The following COL15A1 variants were observed in gnomAD, a reference collection of about 807,000 sequenced individuals.
COL15A1 encodes collagen type XV alpha 1 chain, also known as collagen alpha-1(XV) chain.
In COL15A1, 111 loss-of-function variants were observed where a neutral mutation model predicts 165.9. The observed-to-expected ratio is 0.67, with a 90% CI of 0.57 to 0.78. The LOEUF is 0.78. Ranked by LOEUF, COL15A1 falls within the 30% of genes least tolerant of loss-of-function variation. COL15A1 has a pLI of 0.00. For missense variants in COL15A1, 1,745 were observed against 1,789.7 expected (o/e 0.98, Z 0.45); for synonymous variants, 659 against 674.8 (o/e 0.98, Z 0.36).
chr9:98,997,620 A>G (rs1007676783), intron 6 of COL15A1, among the ~76,000 whole-genome samples: 3 of 152,242 alleles, frequency 2.0e-5, no homozygotes, highest in Non-Finnish European at 4.4e-5. Context: ...TGTGTGGCAC[A>G]AGTGAGAAAC....
intron 2 of COL15A1, among the ~76,000 whole-genome samples, chr9:98,962,583 C>T (rs1837881454): frequency 1.3e-5 from 2 of 152,254 alleles, no homozygotes; most frequent in African/African-American, 4.8e-5. Flanking sequence ...AAAGATAAAG[C>T]AAGAGAATTA....
intron 35 of COL15A1, 63 bp from the exon 36 acceptor site, chr9:99,059,826 G>A: frequency 6.3e-7 from 1 of 1,588,212 alleles, no homozygotes; most frequent in Admixed American, 1.7e-5. Flanking sequence ...GGAGTCAGCT[G>A]ATACCTCAGA....
At chr9:99,035,721 T>C (rs1054543438) in intron 19 of COL15A1, among the ~76,000 whole-genome samples, 17 of 152,184 alleles carry the variant, frequency 1.1e-4, no homozygotes, top group African/African-American at 4.1e-4. Context: ...ATCTCTACTT[T>C]ATTTCCTCCC....
chr9:99,050,008 CT>C, intron 30 of COL15A1, 113 bp downstream of exon 30: 1 of 1,425,424 alleles, frequency 7.0e-7, no homozygotes, highest in Non-Finnish European at 9.8e-7. Context: ...TCTCTGATGT[CT>C]TCTGTCCCCT....
chr9:98,994,381 G>A (rs566867039), intron 5 of COL15A1, among the ~76,000 whole-genome samples: 122 of 152,256 alleles, frequency 8.0e-4, no homozygotes, highest in Non-Finnish European at 1.4e-3. Context: ...CTGCGGTTCT[G>A]TTTGCCTGGA....
Position 99,049,676 on chromosome 9 carries a change from T to C in COL15A1, c.2794-14T>C. ...AACCTGAACTAATGGAATGGCCTTT[T>C]TTTCTTCCTTCAGGGCCCACCTGGC... On this transcript the variant is annotated splice_polypyrimidine_tract_variant and intron_variant, in intron 28 of 41. Transcript: ENST00000375001. 1 of 1,612,532 alleles carries C rather than the reference T, an allele frequency of 6.2e-7. No individual in the cohort carries two copies. The highest frequency in any genetic ancestry group is 8.5e-7 in the Non-Finnish European group (1 of 1,179,894).
intron 13 of COL15A1, 95 bp downstream of exon 13, chr9:99,022,245 C>T (rs2119009291): frequency 1.3e-6 from 2 of 1,532,580 alleles, no homozygotes; most frequent in East Asian, 2.3e-5. Flanking sequence ...TTTTGGCCCC[C>T]AAAGTATCTT....
rs189542696 is a variant in COL15A1 at position 98,964,903 on chromosome 9, G to A, written c.100+20653G>A. On this transcript the variant is annotated intron_variant, in intron 2 of 41. Transcript: ENST00000375001. ...TTGGCCAATGTAGGCGAGATTTCAC[G>A]GTGCCCACTGAAGCTATGAGCTCGT... 8.0e-3 allele frequency among the ~76,000 whole-genome samples: 1,223 copies of A among 152,242 alleles called. 56 individuals are homozygous for A. Among genetic ancestry groups the A allele is most frequent in the Admixed American group, 0.076 (1,161 of 15,284 alleles).
chr9:99,033,869 G>A (rs1172121899), intron 16 of COL15A1, among the ~76,000 whole-genome samples: 1 of 152,062 alleles, frequency 6.6e-6, no homozygotes, highest in Non-Finnish European at 1.5e-5. Flanking sequence ...TCTGATGTAG[G>A]CCACTGTCCT....
chr9:98,946,703 A>G (rs1291213444), intron 2 of COL15A1, among the ~76,000 whole-genome samples: 1 of 152,216 alleles, frequency 6.6e-6, no homozygotes, highest in Non-Finnish European at 1.5e-5. Flanking sequence ...ACTTCATAGC[A>G]CTATGAACCA....
intron 2 of COL15A1, among the ~76,000 whole-genome samples, chr9:98,944,786 G>A (rs943665639): frequency 2.0e-5 from 3 of 152,252 alleles, no homozygotes; most frequent in African/African-American, 7.2e-5. Flanking sequence ...TGGCTCCACC[G>A]GTGGTGGAAA....
At chr9:98,952,997 C>T (rs771853860) in intron 2 of COL15A1, among the ~76,000 whole-genome samples, 56 of 152,218 alleles carry the variant, frequency 3.7e-4, no homozygotes, top group African/African-American at 1.3e-3. Flanking sequence ...CATTAAGCCA[C>T]GAATTCTTTA....
intron 9 of COL15A1, among the ~76,000 whole-genome samples, chr9:99,010,728 G>A (rs957790758): frequency 7.2e-5 from 11 of 152,154 alleles, no homozygotes; most frequent in Admixed American, 2.0e-4. Flanking sequence ...ATGGGCCTTC[G>A]GCTCCCTTCA....
In COL15A1 at chr9:99,008,758, T is replaced by C. The variant is rs1005330860; in HGVS notation, c.1353+3708T>C. On this transcript the variant is annotated intron_variant, in intron 9 of 41. Transcript: ENST00000375001. The stretch of plus-strand genomic sequence containing the variant: ...CCAAGTAGCTGGGATTACAGGCATG[T>C]GCCACCACCCCTGGCTAATTTTTGT... 3.3e-5 allele frequency among the ~76,000 whole-genome samples: 5 copies of C among 152,082 alleles called. No homozygotes were observed. The East Asian group carries it at 7.7e-4, about 24-fold the overall frequency.
rs559528277 is a variant in COL15A1 at position 99,070,020 on chromosome 9, A to G, written c.*134A>G. 6.5e-5 allele frequency: 46 copies of G among 705,048 alleles called. No individual in the cohort carries two copies. The South Asian group carries it at 8.6e-4, about 13-fold the overall frequency. 43.7% of individuals were successfully genotyped at this position (705,048 alleles called of 1,614,324 possible). A position where few individuals can be genotyped will look rare whatever the true frequency, so the allele number is the denominator to read the frequency against. On this transcript the variant is annotated 3_prime_UTR_variant, in exon 42 of 42. Transcript: ENST00000375001. ...CTACATATTCTTTACAACAGCAACC[A>G]AAGAAAACATACCTCAATACACTCA...
rs749179959 is a variant in COL15A1, at chr9:99,023,392, G to T, written c.1797G>T (p.Trp599Cys). 6.2e-6 allele frequency: 10 copies of T among 1,610,736 alleles called. No homozygotes were observed. In the South Asian group the frequency reaches 9.9e-5, roughly 16 times the overall value. Residue 599 changes from tryptophan to cysteine, a missense_variant, in exon 14 of 42, where the codon TGG becomes TGT. By Grantham distance (215) the Trp-to-Cys change is radical. Transcript: ENST00000375001. Reference protein sequence around the residue: ...GAEAEGSGLGWGSDVGSGSGD... With the variant: ...GAEAEGSGLGCGSDVGSGSGD... ...AAGCAGAGGGCTCTGGCCTAGGCTG[G>T]GGCTCGGACGTCGGCTCTGGCTCTG...
chr9:99,065,845 C>T (rs1825883377), intron 39 of COL15A1, among the ~76,000 whole-genome samples: 1 of 151,258 alleles, frequency 6.6e-6, no homozygotes, highest in Non-Finnish European at 1.5e-5. Context: ...AGCTCATGGC[C>T]AGTTGTGGCC....
chr9:98,987,216 C>T (rs2075664), intron 3 of COL15A1, 78 bp from the exon 4 acceptor site: 14 of 1,428,698 alleles, frequency 9.8e-6, no homozygotes, highest in Non-Finnish European at 1.4e-5. Flanking sequence ...TCTCCATTGC[C>T]AAAACAATCA....
chr9:98,948,214 T>A (rs1287272651), intron 2 of COL15A1, among the ~76,000 whole-genome samples: 1 of 152,108 alleles, frequency 6.6e-6, no homozygotes, highest in East Asian at 1.9e-4. Context: ...CACAGACAAC[T>A]GTAATGCCAT....
Sources: allele counts gnomAD v4.1 joint callset (sites outside exome capture counted in the v4.1 genomes callset), GRCh38; gene constraint gnomAD v4.1.1; transcripts MANE v1.5; gene names NCBI Gene and HGNC (gene_info 2026-07-23, HGNC 2026-07-21).